The following CDK14 variants were observed in gnomAD, a reference collection of about 807,000 sequenced individuals.
CDK14 encodes the protein cyclin-dependent kinase 14.
Under a neutral mutation model 60.7 loss-of-function variants are expected in CDK14, and 34 were observed. That is an observed-to-expected ratio of 0.56 (90% CI 0.43 to 0.75). CDK14 has a LOEUF of 0.75. Ranked by LOEUF, CDK14 falls within the 30% of genes least tolerant of loss-of-function variation. The pLI, the probability that CDK14 is intolerant of heterozygous loss-of-function variation, is 0.00. For missense variants in CDK14, 482 were observed against 564.1 expected, an observed-to-expected ratio of 0.85 and a Z score of 1.47; for synonymous variants, 197 against 203.7, an observed-to-expected ratio of 0.97 and a Z score of 0.28.
intron 8 of CDK14, among the ~76,000 whole-genome samples, chr7:90,945,517 C>T (rs950880886): frequency 6.6e-6 from 1 of 152,226 alleles, no homozygotes; most frequent in Admixed American, 6.5e-5. Flanking sequence ...GGTTCTGGAA[C>T]TGCCTGAGCA....
intron 5 of CDK14, among the ~76,000 whole-genome samples, chr7:90,813,703 C>G (rs148433827): frequency 6.6e-6 from 1 of 151,700 alleles, no homozygotes; most frequent in South Asian, 2.1e-4. Context: ...GAGCTGAGAT[C>G]GCGCCACTAC....
chr7:90,712,337 A>G (rs554159544), intron 2 of CDK14, among the ~76,000 whole-genome samples: 1 of 151,712 alleles, frequency 6.6e-6, no homozygotes, highest in Non-Finnish European at 1.5e-5. Flanking sequence ...ATCTTATTCT[A>G]CTTTCTGTGT....
At chr7:90,893,176 A>T (rs1792191098) in intron 6 of CDK14, among the ~76,000 whole-genome samples, 1 of 152,140 alleles carries the variant, frequency 6.6e-6, no homozygotes, top group Admixed American at 6.5e-5. Flanking sequence ...CACCGACTTC[A>T]TGGAAGGCAT....
intron 14 of CDK14, among the ~76,000 whole-genome samples, chr7:91,180,495 T>C (rs927567804): frequency 1.3e-5 from 2 of 152,140 alleles, no homozygotes; most frequent in African/African-American, 4.8e-5. Context: ...GAAAGAAGAC[T>C]GAAAAATATC....
At chr7:90,753,816 A>C (rs1407380049) in intron 4 of CDK14, among the ~76,000 whole-genome samples, 1 of 152,176 alleles carries the variant, frequency 6.6e-6, no homozygotes, top group Admixed American at 6.5e-5. Flanking sequence ...AAAATCCAGC[A>C]TTATTTCTAT....
At chr7:90,905,253 G>A (rs1479867714) in intron 7 of CDK14, among the ~76,000 whole-genome samples, 2 of 152,164 alleles carry the variant, frequency 1.3e-5, no homozygotes, top group Admixed American at 6.5e-5. Flanking sequence ...TAGTAAAGGA[G>A]ATAAAATTGT....
rs184989257 is a variant in CDK14 at position 90,926,003 on chromosome 7, A to G, written c.826+8279A>G. 2.6e-3 allele frequency among the ~76,000 whole-genome samples: 403 copies of G among 152,310 alleles called. 2 individuals carry two copies. Among genetic ancestry groups the G allele is most frequent in the Middle Eastern group, 0.014 (4 of 294 alleles). On this transcript the variant is annotated intron_variant, in intron 8 of 14. Transcript: ENST00000380050. Reference sequence around the variant, plus strand: ...TCCAGACCCCTCATCTGAAAAATATATATACTTTGGGCCAGAGATGGAAAA... The same window carrying G: ...TCCAGACCCCTCATCTGAAAAATATGTATACTTTGGGCCAGAGATGGAAAA...
intron 12 of CDK14, among the ~76,000 whole-genome samples, chr7:91,085,975 A>G (rs949176666): frequency 2.2e-4 from 34 of 152,302 alleles, no homozygotes; most frequent in African/African-American, 7.9e-4. Flanking sequence ...ACTGTGATTT[A>G]GGAACTGAAT....
chr7:90,996,232 G>A (rs1268058162), intron 10 of CDK14, among the ~76,000 whole-genome samples: 1 of 152,090 alleles, frequency 6.6e-6, no homozygotes, highest in Non-Finnish European at 1.5e-5. Context: ...ATCTTAGCTG[G>A]CCACTTGATT....
At chr7:91,179,933 A>C (rs1801940208) in intron 14 of CDK14, among the ~76,000 whole-genome samples, 1 of 152,226 alleles carries the variant, frequency 6.6e-6, no homozygotes, top group Non-Finnish European at 1.5e-5. Context: ...AAATGTTTTT[A>C]ATCTTATTAG....
intron 10 of CDK14, among the ~76,000 whole-genome samples, chr7:91,007,587 T>G (rs1389874433): frequency 6.6e-6 from 1 of 152,102 alleles, no homozygotes; most frequent in Non-Finnish European, 1.5e-5. Flanking sequence ...GCCAAGCAAA[T>G]CCACCCCAGC....
At chr7:90,652,364 A>G (rs1165313661) in intron 2 of CDK14, among the ~76,000 whole-genome samples, 1 of 152,234 alleles carries the variant, frequency 6.6e-6, no homozygotes, top group African/African-American at 2.4e-5. Context: ...TACTGATTTA[A>G]TTAATGGTAC....
chr7:90,986,191 G>A (rs1188882165), intron 10 of CDK14, among the ~76,000 whole-genome samples: 1 of 151,960 alleles, frequency 6.6e-6, no homozygotes, highest in African/African-American at 2.4e-5. Flanking sequence ...ACTGGGAAGT[G>A]TTTCATTATA....
At position 90,833,103 on chromosome 7, in the gene CDK14, G is replaced by T. The variant is rs749106717; in HGVS notation, c.545-30072G>T. Among the ~76,000 whole-genome samples, 24 of 152,282 alleles carry T rather than the reference G, an allele frequency of 1.6e-4. No individual in the cohort carries two copies. In the Middle Eastern group the frequency reaches 0.014, roughly 86 times the overall value. ...GGTTATTCAGAATAACCAGGTCTGG[G>T]CATAGCTTCAGCATTTCCACTTCCT... On this transcript the variant is annotated intron_variant, in intron 5 of 14. Transcript: ENST00000380050.
At chr7:90,995,081 T>G (rs1795644028) in intron 10 of CDK14, among the ~76,000 whole-genome samples, 1 of 152,206 alleles carries the variant, frequency 6.6e-6, no homozygotes, top group East Asian at 1.9e-4. Flanking sequence ...CCCTTGAGCG[T>G]GGGCTGGACC....
intron 14 of CDK14, among the ~76,000 whole-genome samples, chr7:91,127,318 T>G (rs140698046): frequency 6.6e-6 from 1 of 152,284 alleles, no homozygotes; most frequent in East Asian, 1.9e-4. Flanking sequence ...CAGGTCATGT[T>G]ACATTAATTA....
intron 14 of CDK14, among the ~76,000 whole-genome samples, chr7:91,166,643 G>T (rs80253918): frequency 0.018 from 2,750 of 152,290 alleles, 63 homozygotes; most frequent in East Asian, 0.12. Flanking sequence ...AGGCATCCGA[G>T]TAATTTGGCA....
intron 2 of CDK14, among the ~76,000 whole-genome samples, chr7:90,700,263 T>G (rs1782067277): frequency 6.6e-6 from 1 of 152,088 alleles, no homozygotes; most frequent in Admixed American, 6.5e-5. Context: ...CCAGCTGATT[T>G]TTGTATTTTT....
intron 2 of CDK14, among the ~76,000 whole-genome samples, chr7:90,718,066 G>C (rs1802315605): frequency 3.3e-5 from 5 of 151,848 alleles, no homozygotes; most frequent in Admixed American, 3.3e-4. Flanking sequence ...TGGTAGTGAG[G>C]GCATTTTTGG....
Sources: gnomAD v4.1 joint callset for allele counts (sites outside exome capture counted in the v4.1 genomes callset) on GRCh38, gnomAD v4.1.1 for gene constraint, MANE v1.5 for transcripts, NCBI Gene and HGNC (gene_info 2026-07-23, HGNC 2026-07-21) for gene names.